The following SOX5 variants were observed in gnomAD, a reference collection of about 807,000 sequenced individuals.
SOX5 encodes SRY-box transcription factor 5, also known as transcription factor SOX-5.
SOX5 carries 9 observed loss-of-function variants against 92.0 expected under a neutral mutation model. The ratio of observed to expected loss-of-function variants is 0.10; its 90% CI spans 0.06 to 0.17. SOX5 has a LOEUF of 0.17. Ranked by LOEUF, SOX5 falls within the 10% of genes least tolerant of loss-of-function variation. The pLI is 1.00. For synonymous variants in SOX5, 344 were observed against 336.3 expected (o/e 1.02, Z -0.25); for missense variants, 642 against 944.5 (o/e 0.68, Z 4.20).
Position 24,424,815 on chromosome 12 carries a change from G to T in SOX5, c.-250-56176C>A, listed in dbSNP as rs369027889. 2.6e-3 allele frequency among the ~76,000 whole-genome samples: 398 copies of T among 150,568 alleles called. 9 individuals carry two copies. Among genetic ancestry groups the T allele is most frequent in the African/African-American group, 9.1e-3 (371 of 40,956 alleles). ...CTTTGTGAGTTTTTTTTTTGGGGGG[G>T]GGGGATGGCTGTTTTTCCCCCTAGA... On this transcript the variant is annotated intron_variant, in intron 1 of 4. Transcript: ENST00000446891.
intron 4 of SOX5, among the ~76,000 whole-genome samples, chr12:24,183,679 A>G (rs1160834811): frequency 1.3e-5 from 2 of 152,212 alleles, no homozygotes; most frequent in Non-Finnish European, 1.5e-5. Context: ...TTCTTCCTGA[A>G]AGTGCCACAT....
chr12:23,604,637 G>A (rs2075009682), intron 8 of SOX5, 104 bp from the exon 9 acceptor site: 1 of 1,155,680 alleles, frequency 8.7e-7, no homozygotes, highest in Non-Finnish European at 1.2e-6. Context: ...TTTCCTATGA[G>A]CATTTTGTTT....
chr12:24,033,314 T>C (rs1383805459), intron 4 of SOX5, among the ~76,000 whole-genome samples: 1 of 151,966 alleles, frequency 6.6e-6, no homozygotes, highest in East Asian at 1.9e-4. Flanking sequence ...TTATAGAATT[T>C]AAGATTTTAA....
intron 4 of SOX5, among the ~76,000 whole-genome samples, chr12:24,177,098 G>A (rs1315120603): frequency 2.0e-5 from 3 of 151,048 alleles, no homozygotes; most frequent in Non-Finnish European, 4.4e-5. Context: ...ACCAAGGTAA[G>A]AACAAAATAA....
chr12:24,040,729 C>T (rs942409855), intron 4 of SOX5, among the ~76,000 whole-genome samples: 3 of 151,996 alleles, frequency 2.0e-5, no homozygotes, highest in Admixed American at 6.6e-5. Flanking sequence ...AAAAGTTAGC[C>T]GGGCGTGGTG....
chr12:24,026,649 T>C (rs1400402154), intron 4 of SOX5, among the ~76,000 whole-genome samples: 1 of 147,776 alleles, frequency 6.8e-6, no homozygotes, highest in Non-Finnish European at 1.5e-5. Context: ...GGCACACACC[T>C]GACCCTGTCT....
At chr12:23,993,436 T>C (rs1215326214) in intron 4 of SOX5, among the ~76,000 whole-genome samples, 1 of 152,160 alleles carries the variant, frequency 6.6e-6, no homozygotes, top group Admixed American at 6.5e-5. Flanking sequence ...ATGTTTATTT[T>C]TTCTGTTGGA....
At chr12:24,319,791 A>T (rs955592870) in intron 2 of SOX5, among the ~76,000 whole-genome samples, 1 of 152,218 alleles carries the variant, frequency 6.6e-6, no homozygotes, top group African/African-American at 2.4e-5. Context: ...TAAGGCCATC[A>T]TCTTGCACTA....
chr12:24,246,913 T>C (rs1016160661), intron 3 of SOX5, among the ~76,000 whole-genome samples: 1 of 151,934 alleles, frequency 6.6e-6, no homozygotes, highest in African/African-American at 2.4e-5. Context: ...GAAACAGTCA[T>C]ACAAAAAACC....
intron 1 of SOX5, among the ~76,000 whole-genome samples, chr12:24,388,652 C>T (rs1281227101): frequency 1.3e-5 from 2 of 152,122 alleles, no homozygotes; most frequent in Non-Finnish European, 2.9e-5. Flanking sequence ...TCAAAGCATA[C>T]AATTCAATGA....
At chr12:24,056,159 G>A (rs551112950) in intron 4 of SOX5, among the ~76,000 whole-genome samples, 1 of 152,138 alleles carries the variant, frequency 6.6e-6, no homozygotes, top group South Asian at 2.1e-4. Flanking sequence ...ATACACACCA[G>A]TTAGGTGCCT....
intron 4 of SOX5, among the ~76,000 whole-genome samples, chr12:24,097,188 A>G (rs917626553): frequency 2.6e-5 from 4 of 152,052 alleles, no homozygotes; most frequent in African/African-American, 9.7e-5. Context: ...TATTTGGAGA[A>G]ATGTTTATTC....
At chr12:23,674,433 G>A (rs1333540351) in intron 6 of SOX5, among the ~76,000 whole-genome samples, 2 of 139,732 alleles carry the variant, frequency 1.4e-5, no homozygotes, top group African/African-American at 5.3e-5. Context: ...CGCCTCCCGG[G>A]TTCAAGCAAT....
intron 2 of SOX5, among the ~76,000 whole-genome samples, chr12:23,877,671 A>T (rs1472157259): frequency 6.6e-6 from 1 of 152,168 alleles, no homozygotes; most frequent in Non-Finnish European, 1.5e-5. Context: ...AATATTCCAT[A>T]TGGAGTGTGA....
At chr12:24,504,460 A>G (rs985817254) in intron 1 of SOX5, among the ~76,000 whole-genome samples, 5 of 152,246 alleles carry the variant, frequency 3.3e-5, no homozygotes, top group African/African-American at 1.2e-4. Flanking sequence ...AGAAAAAGTC[A>G]TTTCCAACAA....
chr12:24,351,623 C>T (rs943124538), intron 2 of SOX5, among the ~76,000 whole-genome samples: 3 of 152,074 alleles, frequency 2.0e-5, no homozygotes, highest in African/African-American at 7.2e-5. Flanking sequence ...CTAATGTCAA[C>T]TGAATGAACA....
intron 6 of SOX5, among the ~76,000 whole-genome samples, chr12:23,732,737 A>T (rs1318266475): frequency 6.6e-6 from 1 of 152,278 alleles, no homozygotes; most frequent in South Asian, 2.1e-4. Context: ...AGCTTTTAAA[A>T]TTCTCATACT....
chr12:24,071,723 TGCCCGGCTCAA>T (rs1434454523), intron 4 of SOX5, among the ~76,000 whole-genome samples: 1 of 152,144 alleles, frequency 6.6e-6, no homozygotes. Flanking sequence ...CATGAGCCAC[TGCCCGGCTCAA>T]GCCTTGTTTT....
At chr12:23,863,210 GT>G (rs1409169338) in intron 2 of SOX5, among the ~76,000 whole-genome samples, 47 of 152,178 alleles carry the variant, frequency 3.1e-4, no homozygotes, top group African/African-American at 1.1e-3. Context: ...TGTAACATGG[GT>G]TAGCTAATTC....
Sources: gnomAD v4.1 joint callset for allele counts (sites outside exome capture counted in the v4.1 genomes callset) on GRCh38, gnomAD v4.1.1 for gene constraint, MANE v1.5 for transcripts, NCBI Gene and HGNC (gene_info 2026-07-23, HGNC 2026-07-21) for gene names.